The following STIM2 variants were observed in gnomAD, a reference collection of about 807,000 sequenced individuals.
The protein encoded by STIM2 is stromal interaction molecule 2.
In STIM2, 31 loss-of-function variants were observed where a neutral mutation model predicts 85.8. That is an observed-to-expected ratio of 0.36 (90% confidence interval 0.27 to 0.49). The LOEUF is 0.49. STIM2 is among the 20% of genes least tolerant of loss of function. STIM2 has a pLI of 0.98. For synonymous variants in STIM2, 356 were observed against 331.1 expected, an observed-to-expected ratio of 1.08 and a Z score of -0.82; for missense variants, 841 against 927.6, an observed-to-expected ratio of 0.91 and a Z score of 1.21.
At chr4:26,878,289 C>T (rs1318540003) in intron 1 of STIM2, among the ~76,000 whole-genome samples, 1 of 152,098 alleles carries the variant, frequency 6.6e-6, no homozygotes, top group Non-Finnish European at 1.5e-5. Flanking sequence ...GTCCCTTCTC[C>T]CCCTAATCTT....
Position 26,951,537 on chromosome 4 carries a change from G to T in STIM2, c.283-6075G>T, listed in dbSNP as rs189839844. The stretch of plus-strand genomic sequence containing the variant: ...GCCTTGTGTTCATGCCTTGTGTTCA[G>T]TATCTTGAAAACTGTTGTTTGTATA... On this transcript the variant is annotated intron_variant, in intron 2 of 11. Coordinates refer to ENST00000467087, the MANE Select transcript of STIM2 (RefSeq NM_020860.4). Among the ~76,000 whole-genome samples, 15 of 152,184 alleles carry T rather than the reference G, an allele frequency of 9.9e-5. No individual in the cohort carries two copies. In the East Asian group the frequency reaches 2.5e-3, roughly 25 times the overall value.
At chr4:26,992,851 C>G (rs574071214) in intron 3 of STIM2, among the ~76,000 whole-genome samples, 3 of 152,226 alleles carry the variant, frequency 2.0e-5, no homozygotes, top group South Asian at 4.1e-4. Context: ...AATCTCCCCC[C>G]AAAATAAATG....
chr4:26,944,596 C>A (rs1226817322), intron 2 of STIM2, among the ~76,000 whole-genome samples: 1 of 152,110 alleles, frequency 6.6e-6, no homozygotes, highest in Non-Finnish European at 1.5e-5. Flanking sequence ...ACTAAATACT[C>A]CAATTAAGAG....
chr4:26,999,844 G>GA (rs1256212349), intron 5 of STIM2, among the ~76,000 whole-genome samples: 1 of 152,178 alleles, frequency 6.6e-6, no homozygotes, highest in East Asian at 1.9e-4. Context: ...GCAAGAAGTA[G>GA]AAAATGTTAT....
chr4:26,892,025 A>T (rs1200552385), intron 1 of STIM2, among the ~76,000 whole-genome samples: 1 of 152,098 alleles, frequency 6.6e-6, no homozygotes, highest in Non-Finnish European at 1.5e-5. Flanking sequence ...GATGGTTTTA[A>T]AATGGGAGTT....
intron 2 of STIM2, among the ~76,000 whole-genome samples, chr4:26,947,276 A>G (rs1395357955): frequency 6.6e-6 from 1 of 152,226 alleles, no homozygotes; most frequent in African/African-American, 2.4e-5. Flanking sequence ...CCATATTAAA[A>G]TAAGTATGGA....
chr4:27,005,329 A>G (rs1728295911), intron 7 of STIM2, among the ~76,000 whole-genome samples: 1 of 152,222 alleles, frequency 6.6e-6, no homozygotes, highest in Non-Finnish European at 1.5e-5. Flanking sequence ...AGTCTCAGGA[A>G]GCCTTTAATC....
intron 2 of STIM2, among the ~76,000 whole-genome samples, chr4:26,933,777 G>A (rs1216716393): frequency 6.7e-6 from 1 of 148,874 alleles, no homozygotes; most frequent in Non-Finnish European, 1.5e-5. Context: ...AGGTTTTTGA[G>A]TATGTGCTTC....
intron 2 of STIM2, among the ~76,000 whole-genome samples, chr4:26,948,560 G>A (rs540155684): frequency 3.3e-5 from 5 of 152,172 alleles, no homozygotes; most frequent in Admixed American, 2.6e-4. Flanking sequence ...CCAGGAGTTC[G>A]AGACCAGCCT....
intron 3 of STIM2, among the ~76,000 whole-genome samples, chr4:26,987,312 G>A (rs978316135): frequency 1.3e-5 from 2 of 152,158 alleles, no homozygotes; most frequent in Non-Finnish European, 2.9e-5. Context: ...TGGTGGGACC[G>A]AAAGTAGCAG....
intron 4 of STIM2, among the ~76,000 whole-genome samples, chr4:26,996,306 A>G (rs1465877083): frequency 2.6e-5 from 4 of 152,088 alleles, no homozygotes; most frequent in East Asian, 1.9e-4. Context: ...AAAATTTGCA[A>G]TGATTCTACC....
chr4:26,879,892 G>C (rs923118258), intron 1 of STIM2, among the ~76,000 whole-genome samples: 1 of 152,224 alleles, frequency 6.6e-6, no homozygotes, highest in Non-Finnish European at 1.5e-5. Flanking sequence ...ATTATGTCTT[G>C]AGTTTCTCTG....
chr4:27,018,168 C>G (rs34889444), intron 11 of STIM2, among the ~76,000 whole-genome samples, 184 bp downstream of exon 11: 4,827 of 152,210 alleles, frequency 0.032, 119 homozygotes, highest in South Asian at 0.06. Flanking sequence ...GAATTCCAAG[C>G]CTGGTGTGAC....
At chr4:26,861,550 C>T (rs1422131820) in intron 1 of STIM2, 181 bp downstream of exon 1, 4 of 943,264 alleles carry the variant, frequency 4.2e-6, no homozygotes, top group Non-Finnish European at 5.5e-6. Context: ...TCCTTTTCAC[C>T]CCGACACCCC....
At chr4:26,896,860 C>T (rs1322771295) in intron 1 of STIM2, among the ~76,000 whole-genome samples, 1 of 152,170 alleles carries the variant, frequency 6.6e-6, no homozygotes, top group Non-Finnish European at 1.5e-5. Flanking sequence ...TCATGCTTCC[C>T]CTTCATAGTC....
Position 26,970,067 on chromosome 4 carries a change from A to G in STIM2, c.397+12341A>G, listed in dbSNP as rs1726876146. ...GATTATATTTTCCAAAATAAAAAAAATGAGAAGGCTAACATTGTCTTGCAT... is the reference window on the plus strand; with the variant it reads ...GATTATATTTTCCAAAATAAAAAAAGTGAGAAGGCTAACATTGTCTTGCAT... On this transcript the variant is annotated intron_variant, in intron 3 of 11. Transcript: ENST00000467087. Among the ~76,000 whole-genome samples, 3 of 151,386 alleles carry G rather than the reference A, an allele frequency of 2.0e-5. No individual in the cohort carries two copies. In the South Asian group the frequency reaches 6.2e-4, roughly 31 times the overall value.
At chr4:26,886,273 T>A (rs1024869836) in intron 1 of STIM2, among the ~76,000 whole-genome samples, 1 of 152,202 alleles carries the variant, frequency 6.6e-6, no homozygotes, top group African/African-American at 2.4e-5. Context: ...GGCTAATATA[T>A]TATTTCAATA....
At chr4:27,008,567 A>G in intron 9 of STIM2, 39 bp downstream of exon 9, 1 of 1,432,134 alleles carries the variant, frequency 7.0e-7, no homozygotes, top group Non-Finnish European at 9.6e-7. Context: ...ATTTATGTTT[A>G]TTGTGTTAAA....
intron 3 of STIM2, among the ~76,000 whole-genome samples, chr4:26,965,830 C>G (rs913153679): frequency 6.6e-6 from 1 of 151,994 alleles, no homozygotes; most frequent in Non-Finnish European, 1.5e-5. Flanking sequence ...ATAGAGACCC[C>G]CTCTCAGAAG....
Sources: allele counts gnomAD v4.1 joint callset (sites outside exome capture counted in the v4.1 genomes callset), GRCh38; gene constraint gnomAD v4.1.1; transcripts MANE v1.5; gene names NCBI Gene and HGNC (gene_info 2026-07-23, HGNC 2026-07-21).